The following RERG variants were observed in gnomAD, a reference collection of about 807,000 sequenced individuals.
RERG encodes the protein RAS like estrogen regulated growth inhibitor, also known as ras-related and estrogen-regulated growth inhibitor.
In RERG, 25 loss-of-function variants were observed where a neutral mutation model predicts 23.2. The ratio of observed to expected loss-of-function variants is 1.08; its 90% confidence interval spans 0.79 to 1.50. The LOEUF is 1.50. Among genes scored for constraint, RERG ranks in the 40% most tolerant of loss-of-function variants. The probability of loss-of-function intolerance (pLI) is 0.00; values close to 1 mark genes in which losing one functional copy is unlikely to be tolerated. For synonymous variants in RERG, 81 were observed against 89.1 expected, an observed-to-expected ratio of 0.91 and a Z score of 0.51; for missense variants, 253 against 250.1, an observed-to-expected ratio of 1.01 and a Z score of -0.08.
In RERG at chr12:15,217,441, C is replaced by T. The variant is rs561595886; in HGVS notation, c.49G>A (p.Val17Met). The T allele has an allele frequency of 2.8e-5, 45 of 1,612,578 alleles. No homozygotes were observed. The highest frequency in any genetic ancestry group is 3.4e-5 in the Non-Finnish European group (40 of 1,178,728). ...VKLAIFGRAG[V>M]GKSALVVRFL... ...ACGAAAATCTTACCTGACTTGCCCA[C>T]GCCTGCTCTCCCAAATATTGCCAGT... Residue 17 changes from valine (V) to methionine (M), a missense_variant, in exon 2 of 5, where the codon GTG (valine) becomes ATG (methionine). Transcript: ENST00000256953.
chr12:15,174,412 A>C (rs1320274288), intron 2 of RERG, among the ~76,000 whole-genome samples: 1 of 151,728 alleles, frequency 6.6e-6, no homozygotes, highest in African/African-American at 2.4e-5. Context: ...GTCTGTTGAA[A>C]ATTTGACTAT....
chr12:15,172,532 A>T (rs1864791849), intron 2 of RERG, among the ~76,000 whole-genome samples: 1 of 152,066 alleles, frequency 6.6e-6, no homozygotes, highest in Non-Finnish European at 1.5e-5. Flanking sequence ...TCCATGTTTT[A>T]CATTTTTAGG....
chr12:15,130,280 T>A (rs1864022955), intron 2 of RERG, among the ~76,000 whole-genome samples: 1 of 152,174 alleles, frequency 6.6e-6, no homozygotes. Flanking sequence ...TGGCATGCAG[T>A]GGGCATGGTT....
At chr12:15,168,980 G>GT (rs557228727) in intron 2 of RERG, among the ~76,000 whole-genome samples, 85 of 151,640 alleles carry the variant, frequency 5.6e-4, no homozygotes, top group South Asian at 2.5e-3. Flanking sequence ...TACACTAAAG[G>GT]TTTTTTTTTG....
intron 2 of RERG, among the ~76,000 whole-genome samples, chr12:15,199,077 T>C (rs1159533964): frequency 6.6e-6 from 1 of 152,292 alleles, no homozygotes; most frequent in African/African-American, 2.4e-5. Context: ...AAGATTCACA[T>C]CTGTTTCACA....
At chr12:15,123,558 AATTT>A (rs1236486218) in intron 2 of RERG, among the ~76,000 whole-genome samples, 2 of 142,784 alleles carry the variant, frequency 1.4e-5, no homozygotes, top group Non-Finnish European at 3.1e-5. Context: ...CAAAATAGTT[AATTT>A]ATTAAATTTA....
intron 2 of RERG, among the ~76,000 whole-genome samples, chr12:15,159,338 T>G (rs1864570154): frequency 6.6e-6 from 1 of 152,208 alleles, no homozygotes; most frequent in Admixed American, 6.5e-5. Flanking sequence ...TTTGCATAAT[T>G]TGCTGCCTTA....
At chr12:15,147,227 G>A (rs552235004) in intron 2 of RERG, among the ~76,000 whole-genome samples, 2 of 152,100 alleles carry the variant, frequency 1.3e-5, no homozygotes, top group East Asian at 1.9e-4. Flanking sequence ...CCTTGGCCTT[G>A]GTTTGCAGAA....
intron 2 of RERG, among the ~76,000 whole-genome samples, chr12:15,136,621 T>G (rs1323115060): frequency 6.6e-6 from 1 of 152,048 alleles, no homozygotes; most frequent in Non-Finnish European, 1.5e-5. Context: ...TAGTTCAAAT[T>G]ATTTTAAATT....
At chr12:15,217,855 C>T (rs750353709) in intron 1 of RERG, 2 of 172,726 alleles carry the variant, frequency 1.2e-5, no homozygotes, top group Admixed American at 6.2e-5. Flanking sequence ...TTCTAAAGTA[C>T]TTCCTCAAGA....
At chr12:15,111,297 A>C in intron 4 of RERG, 47 bp downstream of exon 4, 1 of 1,442,238 alleles carries the variant, frequency 6.9e-7, no homozygotes, top group Admixed American at 1.9e-5. Flanking sequence ...TAGATTTCTC[A>C]GTTTTATTTG....
chr12:15,150,496 G>A lies in RERG; in HGVS notation c.62-29377C>T, dbSNP rs545459869. 4.6e-5 allele frequency among the ~76,000 whole-genome samples: 7 copies of A among 152,218 alleles called. No homozygotes were observed. The South Asian group carries it at 1.2e-3, about 27-fold the overall frequency. On this transcript the variant is annotated intron_variant, in intron 2 of 4. Coordinates refer to ENST00000256953, the MANE Select transcript of RERG (RefSeq NM_032918.3). ...CATAGGATTGTTATGAGGAGTAAAT[G>A]GCGTAATAAGGAACTTAGTATCATG...
At chr12:15,149,105 G>A (rs1176896892) in intron 2 of RERG, among the ~76,000 whole-genome samples, 2 of 151,570 alleles carry the variant, frequency 1.3e-5, no homozygotes, top group African/African-American at 4.8e-5. Context: ...TCCTGACCTC[G>A]TAATCCGCCC....
rs569626815 is a variant in RERG, at chr12:15,158,456, A to AT, written c.62-37338dup. ...ATCACCACACCTGGCTAATTTTTGC[A>AT]TTTTTTTAAGAGATGGGGTCTCACT... On this transcript the variant is annotated intron_variant, in intron 2 of 4. Coordinates refer to ENST00000256953, the MANE Select transcript of RERG (RefSeq NM_032918.3). Among the ~76,000 whole-genome samples the AT allele has an allele frequency of 3.3e-5, 5 of 151,872 alleles. 1 individual carries two copies. The highest frequency in any genetic ancestry group is 7.2e-5 in the African/African-American group (3 of 41,416).
intron 2 of RERG, among the ~76,000 whole-genome samples, chr12:15,206,615 G>A (rs1370406779): frequency 1.3e-5 from 2 of 152,036 alleles, no homozygotes; most frequent in Non-Finnish European, 2.9e-5. Context: ...GTGGAGGTGG[G>A]GTCCTGAAAC....
chr12:15,181,143 T>C (rs1012937915), intron 2 of RERG, among the ~76,000 whole-genome samples: 1 of 152,070 alleles, frequency 6.6e-6, no homozygotes, highest in African/African-American at 2.4e-5. Flanking sequence ...GCACATAACA[T>C]TGCAGTAGTC....
chr12:15,205,471 T>A (rs1007626617), intron 2 of RERG, among the ~76,000 whole-genome samples: 1 of 152,030 alleles, frequency 6.6e-6, no homozygotes, highest in Admixed American at 6.6e-5. Context: ...AATATTTGAA[T>A]GGAAAAGAAA....
In RERG at chr12:15,206,057, G is replaced by C. The variant is rs144140672; in HGVS notation, c.61+11372C>G. On this transcript the variant is annotated intron_variant, in intron 2 of 4. Transcript: ENST00000256953. The stretch of plus-strand genomic sequence containing the variant: ...TCTATCAGCAGAAAATTTGTAACAG[G>C]GTCATAGACTATATATTTAATCCCC... 3.3e-4 allele frequency among the ~76,000 whole-genome samples: 50 copies of C among 152,016 alleles called. 1 individual carries two copies. Among genetic ancestry groups the C allele is most frequent in the African/African-American group, 1.1e-3 (46 of 41,474 alleles).
chr12:15,204,202 T>C (rs766867085), intron 2 of RERG, among the ~76,000 whole-genome samples: 3 of 151,788 alleles, frequency 2.0e-5, no homozygotes, highest in African/African-American at 7.2e-5. Flanking sequence ...AACAGTATCA[T>C]ATTGGCATAA....
Sources: gnomAD v4.1 joint callset for allele counts (sites outside exome capture counted in the v4.1 genomes callset) on GRCh38, gnomAD v4.1.1 for gene constraint, MANE v1.5 for transcripts, NCBI Gene and HGNC (gene_info 2026-07-23, HGNC 2026-07-21) for gene names.